Variants in EPM2A observed in about 807,000 individuals in gnomAD.
EPM2A encodes laforin.
A neutral mutation model predicts 26.5 loss-of-function variants in EPM2A; 21 were observed. The ratio of observed to expected loss-of-function variants is 0.79; its 90% CI spans 0.56 to 1.14. EPM2A has a LOEUF of 1.14. Among genes scored for constraint, EPM2A ranks in the 50% most tolerant of loss-of-function variants. EPM2A has a pLI of 0.00. For missense variants in EPM2A, 458 were observed against 440.8 expected (o/e 1.04, Z -0.35); for synonymous variants, 217 against 177.6 (o/e 1.22, Z -1.76).
At chr6:145,708,720 G>C (rs890304387) in intron 1 of EPM2A, among the ~76,000 whole-genome samples, 3 of 152,258 alleles carry the variant, frequency 2.0e-5, no homozygotes, top group African/African-American at 7.2e-5. Context: ...GAAAAATGTG[G>C]GATTGGAGCA....
intron 4 of EPM2A, among the ~76,000 whole-genome samples, chr6:145,431,530 G>T (rs1778921465): frequency 6.6e-6 from 1 of 152,124 alleles, no homozygotes; most frequent in African/African-American, 2.4e-5. Context: ...CTATACTGTG[G>T]TCTATTAAGT....
chr6:145,510,321 A>T (rs1780037855), intron 2 of EPM2A, among the ~76,000 whole-genome samples: 1 of 152,242 alleles, frequency 6.6e-6, no homozygotes, highest in African/African-American at 2.4e-5. Flanking sequence ...ACATACTGTA[A>T]GATTGACCAC....
chr6:145,670,846 T>G, intron 2 of EPM2A: 3 of 927,864 alleles, frequency 3.2e-6, no homozygotes, highest in Non-Finnish European at 3.9e-6. Flanking sequence ...ATTATTCAGA[T>G]AGAAAAAAGG....
intron 4 of EPM2A, among the ~76,000 whole-genome samples, chr6:145,416,461 T>C (rs1356624231): frequency 6.6e-6 from 1 of 152,164 alleles, no homozygotes; most frequent in East Asian, 1.9e-4. Flanking sequence ...TTTCATGAAT[T>C]CTTCCTATTA....
chr6:145,686,043 G>T (rs747680804), intron 2 of EPM2A, 79 bp downstream of exon 2: 3 of 1,365,120 alleles, frequency 2.2e-6, no homozygotes, highest in Non-Finnish European at 2.1e-6. Context: ...CTGCAGTTTC[G>T]AACACAGTAA....
intron 4 of EPM2A, among the ~76,000 whole-genome samples, chr6:145,431,998 A>G (rs1469331618): frequency 6.6e-6 from 1 of 152,224 alleles, no homozygotes; most frequent in African/African-American, 2.4e-5. Flanking sequence ...CACATTTTTT[A>G]TTCATCCATG....
intron 4 of EPM2A, chr6:145,490,633 T>C (rs1257023885): frequency 1.5e-6 from 1 of 645,350 alleles, no homozygotes; most frequent in Non-Finnish European, 3.0e-6. Flanking sequence ...ATACCTTTCA[T>C]TGCATATTTC....
At chr6:145,640,428 A>G (rs552794167) in intron 2 of EPM2A, 76 of 152,334 alleles carry the variant, frequency 5.0e-4, no homozygotes, top group African/African-American at 1.8e-3. Context: ...TAATGGAACC[A>G]GCTTTTGTTT....
At chr6:145,400,108 C>T (rs1388356273) in intron 4 of EPM2A, among the ~76,000 whole-genome samples, 1 of 152,144 alleles carries the variant, frequency 6.6e-6, no homozygotes, top group South Asian at 2.1e-4. Context: ...TCTTTTGGCT[C>T]TAAGTCCCTT....
chr6:145,711,543 T>C (rs533359196), intron 1 of EPM2A, among the ~76,000 whole-genome samples: 20 of 152,272 alleles, frequency 1.3e-4, no homozygotes, highest in African/African-American at 4.3e-4. Flanking sequence ...GAGCTAGAGA[T>C]ACAACATCCT....
chr6:145,480,014 T>C lies in EPM2A; in HGVS notation c.555+22508A>G, dbSNP rs1779594320. Among the ~76,000 whole-genome samples the C allele has an allele frequency of 2.6e-5, 4 of 152,210 alleles. No individual in the cohort carries two copies. The South Asian group carries it at 8.3e-4, about 32-fold the overall frequency. ...TTTTCAATTTCGTAATGATTAGTATTGCTCAGCATCTTTTCATGTGACTAT... is the reference window on the plus strand; with the variant it reads ...TTTTCAATTTCGTAATGATTAGTATCGCTCAGCATCTTTTCATGTGACTAT... On this transcript the variant is annotated intron_variant, in intron 4 of 4. Coordinates refer to the EPM2A transcript ENST00000638717.
intron 2 of EPM2A, among the ~76,000 whole-genome samples, chr6:145,515,947 A>G (rs1192118294): frequency 6.6e-6 from 1 of 152,196 alleles, no homozygotes; most frequent in East Asian, 1.9e-4. Context: ...AAGGGGAAAT[A>G]TCAATACATT....
At chr6:145,474,790 T>G (rs1020998690) in intron 4 of EPM2A, among the ~76,000 whole-genome samples, 4 of 151,574 alleles carry the variant, frequency 2.6e-5, no homozygotes, top group Non-Finnish European at 2.9e-5. Context: ...ACAAACAACC[T>G]CATCAAAAAG....
At chr6:145,588,015 C>A (rs547373742) in intron 2 of EPM2A, among the ~76,000 whole-genome samples, 3 of 152,232 alleles carry the variant, frequency 2.0e-5, no homozygotes, top group African/African-American at 7.2e-5. Flanking sequence ...AATTATCTTT[C>A]ATTCTTTTGC....
chr6:145,687,473 T>C (rs1427585092), intron 1 of EPM2A, among the ~76,000 whole-genome samples: 1 of 152,128 alleles, frequency 6.6e-6, no homozygotes, highest in Non-Finnish European at 1.5e-5. Context: ...CTACAAAAAT[T>C]ATAATTCATA....
chr6:145,449,056 G>A (rs983964338), intron 4 of EPM2A, among the ~76,000 whole-genome samples: 9 of 152,082 alleles, frequency 5.9e-5, no homozygotes, highest in South Asian at 4.2e-4. Flanking sequence ...GAAGCTTTGC[G>A]GGCTTCATGT....
chr6:145,675,173 T>G (rs1313359884), intron 2 of EPM2A, among the ~76,000 whole-genome samples: 1 of 152,184 alleles, frequency 6.6e-6, no homozygotes, highest in African/African-American at 2.4e-5. Context: ...GAATTTCATT[T>G]CCACCCAAAC....
chr6:145,482,511 T>G (rs1327652143), intron 4 of EPM2A, among the ~76,000 whole-genome samples: 1 of 152,152 alleles, frequency 6.6e-6, no homozygotes, highest in East Asian at 1.9e-4. Context: ...ATAAAGAGCC[T>G]CTATTTATTT....
At chr6:145,531,609 C>A (rs943192435) in intron 2 of EPM2A, among the ~76,000 whole-genome samples, 1 of 152,174 alleles carries the variant, frequency 6.6e-6, no homozygotes, top group African/African-American at 2.4e-5. Context: ...CACACGCCCT[C>A]AGATCCTCTT....
Sources: gnomAD v4.1 joint callset for allele counts (sites outside exome capture counted in the v4.1 genomes callset) on GRCh38, gnomAD v4.1.1 for gene constraint, MANE v1.5 for transcripts, NCBI Gene and HGNC (gene_info 2026-07-23, HGNC 2026-07-21) for gene names.